Variants in NPIPB2 observed in about 807,000 individuals in gnomAD.
NPIPB2 encodes nuclear pore complex-interacting protein family member B2.
Under a neutral mutation model 30.8 loss-of-function variants are expected in NPIPB2, and 27 were observed. That is an observed-to-expected ratio of 0.88 (90% CI 0.65 to 1.21). NPIPB2 has a LOEUF of 1.21. Among genes scored for constraint, NPIPB2 ranks in the 50% most tolerant of loss-of-function variants. The pLI, the probability that NPIPB2 is intolerant of heterozygous loss-of-function variation, is 0.00. For synonymous variants in NPIPB2, 147 were observed against 162.0 expected, an observed-to-expected ratio of 0.91 and a Z score of 0.70; for missense variants, 440 against 446.2, an observed-to-expected ratio of 0.99 and a Z score of 0.13.
chr16:11,960,436 A>T (rs1339474028), intron 1 of NPIPB2, among the ~76,000 whole-genome samples: 1 of 147,626 alleles, frequency 6.8e-6, no homozygotes, highest in African/African-American at 2.5e-5. Context: ...AGCTCACTGC[A>T]ACCTCTGCCT....
At chr16:11,965,269 T>C (rs1252170158) in intron 1 of NPIPB2, 5 of 1,609,076 alleles carry the variant, frequency 3.1e-6, no homozygotes, top group South Asian at 1.1e-5. Flanking sequence ...TGTAGAGATA[T>C]TACTTGTCCT....
intron 1 of NPIPB2, among the ~76,000 whole-genome samples, chr16:11,954,291 A>G (rs1354281776): frequency 6.6e-6 from 1 of 152,014 alleles, no homozygotes; most frequent in Non-Finnish European, 1.5e-5. Context: ...GTTTGAGACC[A>G]GCCTGGGCAA....
chr16:11,966,133 C>A, intron 1 of NPIPB2: 12 of 1,463,280 alleles, frequency 8.2e-6, no homozygotes, highest in South Asian at 1.3e-5. Flanking sequence ...TAAATAATAA[C>A]AATAAAGTAT....
intron 1 of NPIPB2, among the ~76,000 whole-genome samples, chr16:11,974,699 C>T (rs1596510860): frequency 2.0e-5 from 3 of 152,046 alleles, no homozygotes; most frequent in African/African-American, 4.8e-5. Context: ...TTTCTTCACT[C>T]GGGGTGTGGG....
At chr16:11,973,914 G>T (rs2055251436) in intron 1 of NPIPB2, among the ~76,000 whole-genome samples, 2 of 152,214 alleles carry the variant, frequency 1.3e-5, no homozygotes, top group Admixed American at 6.5e-5. Flanking sequence ...AGATGGAATG[G>T]ATCCTGGAAT....
intron 1 of NPIPB2, among the ~76,000 whole-genome samples, chr16:11,951,668 C>CACACACACACACCCCCA: frequency 1.6e-5 from 1 of 63,680 alleles, no homozygotes; most frequent in South Asian, 8.2e-4. Flanking sequence ...ACACACACAC[C>CACACACACACACCCCCA]CAGCCCCCAA....
chr16:11,972,123 A>G (rs760962197), intron 1 of NPIPB2, among the ~76,000 whole-genome samples: 7 of 151,376 alleles, frequency 4.6e-5, no homozygotes, highest in Non-Finnish European at 8.9e-5. Flanking sequence ...TCCACAGCCC[A>G]GGCGACAATG....
In NPIPB2 at chr16:11,933,973, G is replaced by A. The variant is rs755105752; in HGVS notation, c.193-49C>T. ...GACGGCTGGGCACGGTGGTTCATGCGTATAATCCCAGTACTTTGGGAGGCC... is the reference window on the plus strand; with the variant it reads ...GACGGCTGGGCACGGTGGTTCATGCATATAATCCCAGTACTTTGGGAGGCC... On this transcript the variant is annotated intron_variant, in intron 2 of 7. Coordinates refer to ENST00000399147, the Ensembl canonical transcript of NPIPB2. 1,133 of 1,430,086 alleles carry A rather than the reference G, an allele frequency of 7.9e-4. 5 individuals are homozygous for A. Among genetic ancestry groups the A allele is most frequent in the Middle Eastern group, 2.7e-3 (11 of 4,136 alleles). The allele number at this position is 1,430,086 out of a possible 1,614,324, so 88.6% of individuals were successfully genotyped here. A position where few individuals can be genotyped will look rare whatever the true frequency, so the allele number is the denominator to read the frequency against.
upstream of NPIPB2, among the ~76,000 whole-genome samples, chr16:11,944,820 G>A (rs911288212): frequency 6.6e-6 from 1 of 150,408 alleles, no homozygotes; most frequent in Non-Finnish European, 1.5e-5. Context: ...TAGGCCAGAT[G>A]CTGTTACCTG....
intron 1 of NPIPB2, chr16:11,965,470 T>G: frequency 6.2e-7 from 1 of 1,613,340 alleles, no homozygotes; most frequent in South Asian, 1.1e-5. Flanking sequence ...TAATATTGCT[T>G]GAACGATTAT....
chr16:11,927,502 C>T (rs2054741368), exon 8 of NPIPB2: 2 of 1,515,284 alleles, frequency 1.3e-6, no homozygotes, highest in East Asian at 2.4e-5. Context: ...CAGCGGCCCT[C>T]CGCCTCTTGG....
intron 1 of NPIPB2, among the ~76,000 whole-genome samples, chr16:11,958,786 G>A (rs555841761): frequency 1.3e-5 from 2 of 152,078 alleles, no homozygotes; most frequent in African/African-American, 4.8e-5. Context: ...AAATATTAAG[G>A]TTAAAGAGGT....
intron 1 of NPIPB2, among the ~76,000 whole-genome samples, chr16:11,975,209 G>A (rs2055269745): frequency 4.1e-5 from 4 of 97,518 alleles, no homozygotes; most frequent in Non-Finnish European, 6.0e-5. Context: ...GTGCAGTGGC[G>A]GGATCTCGGC....
At chr16:11,947,096 A>T (rs963814380) in intron 1 of NPIPB2, among the ~76,000 whole-genome samples, 1 of 146,814 alleles carries the variant, frequency 6.8e-6, no homozygotes, top group South Asian at 2.1e-4. Flanking sequence ...ATATAAAATA[A>T]AATTCAATTA....
upstream of NPIPB2, among the ~76,000 whole-genome samples, chr16:11,947,040 TTA>T (rs57486204): frequency 6.2e-3 from 871 of 139,808 alleles, 12 homozygotes; most frequent in African/African-American, 0.021. Context: ...ACTATTTGAA[TTA>T]TATATATATA....
chr16:11,964,499 C>T (rs1290361618), intron 1 of NPIPB2, among the ~76,000 whole-genome samples: 3 of 151,958 alleles, frequency 2.0e-5, no homozygotes, highest in Non-Finnish European at 2.9e-5. Flanking sequence ...CTGCAAACTC[C>T]GCCTCCTGGG....
chr16:11,942,882 A>G (rs1440278858), upstream of NPIPB2, among the ~76,000 whole-genome samples: 9 of 152,236 alleles, frequency 5.9e-5, no homozygotes, highest in Non-Finnish European at 1.2e-4. Context: ...GGCCTCTGGC[A>G]GCTGAAAACC....
At chr16:11,970,621 C>T (rs1370024607) in intron 1 of NPIPB2, among the ~76,000 whole-genome samples, 3 of 151,678 alleles carry the variant, frequency 2.0e-5, no homozygotes, top group Non-Finnish European at 4.4e-5. Flanking sequence ...CTGCAACCTC[C>T]AACTTCTGGT....
chr16:11,942,540 C>G (rs1003929837), upstream of NPIPB2, among the ~76,000 whole-genome samples: 21 of 151,994 alleles, frequency 1.4e-4, no homozygotes, highest in African/African-American at 5.1e-4. Context: ...CATCTTACTG[C>G]CCGTGTGTGT....
Sources: allele counts gnomAD v4.1 joint callset (sites outside exome capture counted in the v4.1 genomes callset), GRCh38; gene constraint gnomAD v4.1.1; transcripts MANE v1.5; gene names NCBI Gene and HGNC (gene_info 2026-07-23, HGNC 2026-07-21).